ZDBF2: variants seen among roughly 807,000 people sequenced by gnomAD.
ZDBF2 encodes the protein DBF4-type zinc finger-containing protein 2.
In ZDBF2, 6 loss-of-function variants were observed where a neutral mutation model predicts 9.4. The ratio of observed to expected loss-of-function variants is 0.64; its 90% CI spans 0.35 to 1.27. The LOEUF is 1.27. Among genes scored for constraint, ZDBF2 ranks in the 50% most tolerant of loss-of-function variants. The pLI, the probability that ZDBF2 is intolerant of heterozygous loss-of-function variation, is 0.03. For synonymous variants in ZDBF2, 905 were observed against 946.3 expected, an observed-to-expected ratio of 0.96 and a Z score of 0.80; for missense variants, 2,697 against 2,766.8, an observed-to-expected ratio of 0.97 and a Z score of 0.57.
chr2:206,303,776 C>T (rs1692623829), intron 4 of ZDBF2, among the ~76,000 whole-genome samples: 1 of 151,940 alleles, frequency 6.6e-6, no homozygotes, highest in Non-Finnish European at 1.5e-5. Flanking sequence ...ATTCTAAGTG[C>T]ATTATTTTTT....
In ZDBF2 at chr2:206,305,361, A is replaced by G. The variant is rs767408871; in HGVS notation, c.833A>G (p.Gln278Arg). 1 of 1,612,690 alleles carries G rather than the reference A, an allele frequency of 6.2e-7. No homozygotes were observed. Among genetic ancestry groups the G allele is most frequent in the Non-Finnish European group, 8.5e-7 (1 of 1,179,262 alleles). ...GTTTTGTGGAAAGATGTAAAATCTC[A>G]GGGTAAAACTTTATCAGCTGGCTTG... Reference protein sequence around the residue: ...KLVLWKDVKSQGKTLSAGLKF... With the variant: ...KLVLWKDVKSRGKTLSAGLKF... The change falls in exon 5 of 5, where the codon CAG becomes CGG. Residue 278 changes from glutamine to arginine, a missense_variant. Gln to Arg is a conservative substitution (Grantham distance 43). Coordinates refer to ENST00000374423, the MANE Select transcript of ZDBF2 (RefSeq NM_020923.3).
chr2:206,276,461 T>C (rs1042037748), intron 1 of ZDBF2, among the ~76,000 whole-genome samples: 2 of 152,194 alleles, frequency 1.3e-5, no homozygotes, highest in Admixed American at 1.3e-4. Context: ...AACTAGACAT[T>C]AGTTTTATTT....
chr2:206,293,552 C>A (rs997480901), intron 3 of ZDBF2, among the ~76,000 whole-genome samples: 7 of 152,096 alleles, frequency 4.6e-5, no homozygotes, highest in Non-Finnish European at 1.0e-4. Flanking sequence ...GAACTGGTGT[C>A]CTGAATAGGG....
At position 206,310,833 on chromosome 2, in the gene ZDBF2, C is replaced by T. The variant is rs961977116; in HGVS notation, c.6305C>T (p.Ser2102Phe). The T allele has an allele frequency of 3.1e-6, 5 of 1,613,870 alleles. No individual in the cohort carries two copies. The African/African-American group carries it at 5.3e-5, about 17-fold the overall frequency. The change falls in exon 5 of 5, where the codon TCT becomes TTT. Residue 2102 changes from serine to phenylalanine, a missense_variant. By Grantham distance (155) the Ser-to-Phe change is radical (BLOSUM62 -2). Around this residue, in one of 3 missense-constraint regions of ZDBF2, gnomAD observed 1,783 missense variants for 1,776.5 expected, o/e 1.00. Coordinates refer to ENST00000374423, the MANE Select transcript of ZDBF2 (RefSeq NM_020923.3). ...GATAATGATGCTGATGGACAAGGCTCTGCTTCAGCGCCTTTAATGGCAGTG... is the reference window on the plus strand; with the variant it reads ...GATAATGATGCTGATGGACAAGGCTTTGCTTCAGCGCCTTTAATGGCAGTG... The part of the protein sequence containing the change: ...AGDNDADGQG[S>F]ASAPLMAVPA...
intron 4 of ZDBF2, among the ~76,000 whole-genome samples, chr2:206,298,545 C>T (rs192535151): frequency 2.0e-3 from 306 of 152,174 alleles, no homozygotes; most frequent in African/African-American, 6.5e-3. Context: ...TTTTTTGAGA[C>T]GGAGTCTTGC....
intron 4 of ZDBF2, among the ~76,000 whole-genome samples, chr2:206,297,789 C>T (rs1692274955): frequency 6.6e-6 from 1 of 152,142 alleles, no homozygotes; most frequent in Admixed American, 6.5e-5. Flanking sequence ...AAGCGATTCT[C>T]CTGCCTCAGC....
At chr2:206,289,192 A>G (rs984855866) in intron 3 of ZDBF2, among the ~76,000 whole-genome samples, 3 of 152,000 alleles carry the variant, frequency 2.0e-5, no homozygotes, top group African/African-American at 7.3e-5. Flanking sequence ...CCCAGGGGGC[A>G]ATGTGCTGCT....
Position 206,307,551 on chromosome 2 carries a change from A to G in ZDBF2, c.3023A>G (p.His1008Arg), listed in dbSNP as rs764939702. ...ACAAGTTTAGATTCTGGTGTCCCTC[A>G]TTATTCAGTAACTGAACCTCAAGTA... ...SKTSLDSGVP[H>R]YSVTEPQVAV... The change falls in exon 5 of 5, where the codon CAT becomes CGT. Residue 1008 changes from histidine (H) to arginine (R), a missense_variant. This residue lies in a region of ZDBF2 where 1,783 missense variants were observed against 1,776.5 expected (regional missense o/e 1.00). Coordinates refer to ENST00000374423, the MANE Select transcript of ZDBF2 (RefSeq NM_020923.3). 5.2e-5 allele frequency: 84 copies of G among 1,613,684 alleles called. 1 individual carries two copies. The highest frequency in any genetic ancestry group is 4.9e-4 in the Middle Eastern group (3 of 6,084).
intron 3 of ZDBF2, 53 bp from the exon 4 acceptor site, chr2:206,297,193 T>C (rs1692227446): frequency 1.4e-6 from 1 of 715,056 alleles, no homozygotes; most frequent in Admixed American, 2.7e-5. Flanking sequence ...TGTCGAACTC[T>C]CACTACTGAA....
intron 3 of ZDBF2, among the ~76,000 whole-genome samples, chr2:206,285,109 A>C (rs1254994886): frequency 6.6e-6 from 1 of 152,216 alleles, no homozygotes; most frequent in East Asian, 1.9e-4. Context: ...AGTAATAAAC[A>C]TGGGGATGCA....
In ZDBF2 at chr2:206,309,604, T is replaced by A. The variant is rs1290606479; in HGVS notation, c.5076T>A (p.Asp1692Glu). Residue 1692 changes from aspartate to glutamate, a missense_variant, in exon 5 of 5, where the codon GAT becomes GAA. Asp to Glu is a conservative substitution (Grantham distance 45, BLOSUM62 2). This residue lies in a region of ZDBF2 where 1,783 missense variants were observed against 1,776.5 expected (regional missense o/e 1.00). Transcript: ENST00000374423. ...ACAAAGAAGCCAGTCTTCGGAAGGA[T>A]CCAAGAAATGCTGGCCTAAAAGGTA... ...KAHKEASLRK[D>E]PRNAGLKGKS... 4 of 1,613,794 alleles carry A rather than the reference T, an allele frequency of 2.5e-6. No homozygotes were observed. The highest frequency in any genetic ancestry group is 3.4e-6 in the Non-Finnish European group (4 of 1,179,854).
chr2:206,292,278 G>C (rs999393441), intron 3 of ZDBF2, among the ~76,000 whole-genome samples: 1 of 152,148 alleles, frequency 6.6e-6, no homozygotes, highest in Non-Finnish European at 1.5e-5. Flanking sequence ...GACAGTTCAG[G>C]GTTGCTCATT....
intron 1 of ZDBF2, among the ~76,000 whole-genome samples, chr2:206,275,452 G>A (rs1469988744): frequency 6.7e-6 from 1 of 149,240 alleles, no homozygotes; most frequent in Admixed American, 6.7e-5. Flanking sequence ...ATTTGAAAAC[G>A]TTTGATTTTT....
chr2:206,284,722 C>G (rs1332401604), intron 3 of ZDBF2, among the ~76,000 whole-genome samples: 1 of 152,090 alleles, frequency 6.6e-6, no homozygotes, highest in Admixed American at 6.6e-5. Flanking sequence ...TGTATATATA[C>G]CACATTTCCT....
In ZDBF2 at chr2:206,308,847, A is replaced by G; in HGVS notation, c.4319A>G (p.Asn1440Ser). Residue 1440 changes from asparagine (N) to serine (S), a missense_variant, in exon 5 of 5, where the codon AAT (asparagine) becomes AGT (serine). By Grantham distance (46) the Asn-to-Ser change is conservative. Transcript: ENST00000374423. ...KEINLQKKDHNDLENKNCEVC... is the reference protein window; with the variant it reads ...KEINLQKKDHSDLENKNCEVC... Reference sequence around the variant, plus strand: ...ATAAACTTGCAAAAGAAGGATCATAATGATCTAGAAAATAAGAACTGTGAA... The same window carrying G: ...ATAAACTTGCAAAAGAAGGATCATAGTGATCTAGAAAATAAGAACTGTGAA... 1.9e-6 allele frequency: 3 copies of G among 1,613,682 alleles called. No homozygotes were observed. The highest frequency in any genetic ancestry group is 2.5e-6 in the Non-Finnish European group (3 of 1,179,810).
chr2:206,275,322 G>A (rs946112259), intron 1 of ZDBF2, among the ~76,000 whole-genome samples: 1 of 152,094 alleles, frequency 6.6e-6, no homozygotes, highest in Non-Finnish European at 1.5e-5. Context: ...CTTGCCCCTG[G>A]GCACCTGTGG....
At chr2:206,299,417 T>A (rs556176298) in intron 4 of ZDBF2, among the ~76,000 whole-genome samples, 49 of 150,746 alleles carry the variant, frequency 3.3e-4, no homozygotes, top group African/African-American at 1.2e-3. Flanking sequence ...ACGCCTGTAA[T>A]CCCAGCACTT....
chr2:206,297,947 C>T (rs950875290), intron 4 of ZDBF2, among the ~76,000 whole-genome samples: 11 of 152,248 alleles, frequency 7.2e-5, no homozygotes, highest in African/African-American at 2.6e-4. Context: ...TCCCAAAGTG[C>T]TGAGATTACA....
intron 3 of ZDBF2, among the ~76,000 whole-genome samples, chr2:206,293,911 G>T (rs908358593): frequency 2.6e-5 from 4 of 152,098 alleles, no homozygotes; most frequent in African/African-American, 7.2e-5. Context: ...CAACAAAAAT[G>T]CATGCACATT....
Sources: allele counts gnomAD v4.1 joint callset (sites outside exome capture counted in the v4.1 genomes callset), GRCh38; gene constraint gnomAD v4.1.1; regional missense constraint gnomAD v4.1.1; transcripts MANE v1.5; gene names NCBI Gene and HGNC (gene_info 2026-07-23, HGNC 2026-07-21).